Variants in KMT2E observed in about 807,000 individuals in gnomAD.
KMT2E encodes histone reader KMT2E.
Under a neutral mutation model 184.6 loss-of-function variants are expected in KMT2E, and 30 were observed. That is an observed-to-expected ratio of 0.16 (90% CI 0.12 to 0.22). KMT2E has a LOEUF of 0.22. KMT2E is among the 10% of genes least tolerant of loss of function. KMT2E has a pLI of 1.00. For missense variants in KMT2E, 2,023 were observed against 2,237.4 expected, an observed-to-expected ratio of 0.90 and a Z score of 1.93; for synonymous variants, 815 against 776.5, an observed-to-expected ratio of 1.05 and a Z score of -0.82.
chr7:105,100,119 C>T, intron 15 of KMT2E, among the ~76,000 whole-genome samples: 1 of 152,166 alleles, frequency 6.6e-6, no homozygotes, highest in East Asian at 1.9e-4. Context: ...GATACGTAAT[C>T]CATGAACAAA....
chr7:105,035,544 T>C (rs1405239268), intron 1 of KMT2E, among the ~76,000 whole-genome samples: 1 of 152,048 alleles, frequency 6.6e-6, no homozygotes, highest in Non-Finnish European at 1.5e-5. Context: ...ATTGATAGTT[T>C]GTTCCTTTAT....
intron 1 of KMT2E, among the ~76,000 whole-genome samples, chr7:105,020,985 A>T (rs1262127575): frequency 6.6e-6 from 1 of 152,232 alleles, no homozygotes. Context: ...TAATATATGT[A>T]ATCGTTTCTA....
intron 1 of KMT2E, among the ~76,000 whole-genome samples, chr7:105,029,869 C>T (rs1795330687): frequency 6.6e-6 from 1 of 152,030 alleles, no homozygotes; most frequent in African/African-American, 2.4e-5. Context: ...AGCCTGGGGG[C>T]AACTACATTA....
rs751993589 is a variant in KMT2E at position 105,112,417 on chromosome 7, C to T, written c.4661C>T (p.Ser1554Leu). Residue 1554 changes from serine to leucine, a missense_variant, in exon 27 of 27, where the codon TCG (serine) becomes TTG (leucine). Ser to Leu is a moderately radical substitution (Grantham distance 145). Around this residue, in one of 8 missense-constraint regions of KMT2E, gnomAD observed 1,108 missense variants for 1,050.9 expected, o/e 1.05. Coordinates refer to ENST00000311117, the MANE Select transcript of KMT2E (RefSeq NM_182931.3). ...PPPPPPPPPS[S>L]SYYQNQQPSA... is the part of the protein sequence containing the mutation. The stretch of plus-strand genomic sequence containing the variant: ...CCTCCACCTCCTCCACCTCCTTCTT[C>T]GTCTTACTATCAAAACCAGCAGCCC... 33 of 1,612,896 alleles carry T rather than the reference C, an allele frequency of 2.0e-5. No homozygotes were observed. Among genetic ancestry groups the T allele is most frequent in the Middle Eastern group, 1.6e-4 (1 of 6,082 alleles).
intron 3 of KMT2E, among the ~76,000 whole-genome samples, chr7:105,045,505 G>C (rs1425071469): frequency 6.6e-6 from 1 of 151,708 alleles, no homozygotes; most frequent in East Asian, 1.9e-4. Context: ...ATCTTTATTT[G>C]CCTATTCTAG....
chr7:105,049,030 T>A (rs1796219747), intron 3 of KMT2E, among the ~76,000 whole-genome samples: 1 of 152,128 alleles, frequency 6.6e-6, no homozygotes, highest in Admixed American at 6.5e-5. Flanking sequence ...GGAACAAATT[T>A]AGATTGTCCT....
chr7:105,077,209 G>C lies in KMT2E; in HGVS notation c.999+16G>C. On this transcript the variant is annotated intron_variant, in intron 10 of 26. Coordinates refer to ENST00000311117, the MANE Select transcript of KMT2E (RefSeq NM_182931.3). ...TCCTGTAGAGGTAAATACATCATTTGTCCAAAAATTGTAAAGCAGTTTTAT... is the reference window on the plus strand; with the variant it reads ...TCCTGTAGAGGTAAATACATCATTTCTCCAAAAATTGTAAAGCAGTTTTAT... 1 of 1,609,052 alleles carries C rather than the reference G, an allele frequency of 6.2e-7. No homozygotes were observed. Among genetic ancestry groups the C allele is most frequent in the Non-Finnish European group, 8.5e-7 (1 of 1,176,256 alleles).
At chr7:105,042,729 T>C (rs1795936027) in intron 3 of KMT2E, among the ~76,000 whole-genome samples, 1 of 152,250 alleles carries the variant, frequency 6.6e-6, no homozygotes, top group African/African-American at 2.4e-5. Context: ...ATTTGCTCTT[T>C]ATTTTTAAAT....
Position 105,112,917 on chromosome 7 carries a change from C to T in KMT2E, c.5161C>T (p.Pro1721Ser). Reference protein sequence around the residue: ...VNSAPPPPPPPPPSSVLASGH... With the variant: ...VNSAPPPPPPSPPSSVLASGH... ...TTCAGCACCCCCACCACCCCCTCCG[C>T]CGCCACCTTCCAGTGTTTTGGCTTC... is the stretch of plus-strand genomic sequence containing the variant. The change falls in exon 27 of 27, where the codon CCG becomes TCG. Residue 1721 changes from proline (P) to serine (S), a missense_variant. Pro to Ser is a moderately conservative substitution (Grantham distance 74, BLOSUM62 -1). Coordinates refer to ENST00000311117, the MANE Select transcript of KMT2E (RefSeq NM_182931.3). 1 of 1,613,772 alleles carries T rather than the reference C, an allele frequency of 6.2e-7. No individual in the cohort carries two copies. Among genetic ancestry groups the T allele is most frequent in the Non-Finnish European group, 8.5e-7 (1 of 1,179,974 alleles).
rs1240604091 is a variant in KMT2E at position 105,114,598 on chromosome 7, G to C, written c.*1265G>C. On this transcript the variant is annotated 3_prime_UTR_variant, in exon 27 of 27. Coordinates refer to ENST00000311117, the MANE Select transcript of KMT2E (RefSeq NM_182931.3). ...TCTTCTACCTCTGAGGATTCAGTAA[G>C]TACATCCAATAATAATGATACTGTT... 6.6e-6 allele frequency among the ~76,000 whole-genome samples: 1 copy of C among 152,130 alleles called. No homozygotes were observed. Among genetic ancestry groups the C allele is most frequent in the Non-Finnish European group, 1.5e-5 (1 of 68,028 alleles).
At chr7:105,030,210 T>A (rs1403382718) in intron 1 of KMT2E, among the ~76,000 whole-genome samples, 1 of 152,138 alleles carries the variant, frequency 6.6e-6, no homozygotes, top group Non-Finnish European at 1.5e-5. Context: ...TGGAGAAGTC[T>A]TTTGAGATAA....
At chr7:105,051,386 T>C (rs944218624) in intron 3 of KMT2E, among the ~76,000 whole-genome samples, 2 of 151,652 alleles carry the variant, frequency 1.3e-5, no homozygotes, top group Non-Finnish European at 2.9e-5. Flanking sequence ...GGTTTCTCCA[T>C]GTTGGTCAGG....
intron 8 of KMT2E, among the ~76,000 whole-genome samples, 158 bp from the exon 9 acceptor site, chr7:105,075,885 G>A (rs969124368): frequency 2.2e-4 from 34 of 152,070 alleles, no homozygotes; most frequent in African/African-American, 7.7e-4. Flanking sequence ...TATTTTAATA[G>A]ATGCCTTTAT....
At position 105,105,842 on chromosome 7, in the gene KMT2E, T is replaced by TATCCTGTTC. The variant is rs1388330686; in HGVS notation, c.2452-15_2452-14insCCTGTTCAT. ...ACAAAGTGATTCCTGTTCATTCATG[T>TATCCTGTTC]ATTCTGTTTTATTCAGCGATGGTTG... On this transcript the variant is annotated splice_polypyrimidine_tract_variant and intron_variant, in intron 18 of 26. Transcript: ENST00000311117. 1.9e-5 allele frequency: 31 copies of TATCCTGTTC among 1,602,698 alleles called. No homozygotes were observed. Among genetic ancestry groups the TATCCTGTTC allele is most frequent in the African/African-American group, 2.7e-5 (2 of 74,094 alleles).
chr7:105,040,531 A>G (rs1001782840), intron 2 of KMT2E, among the ~76,000 whole-genome samples: 1 of 152,194 alleles, frequency 6.6e-6, no homozygotes, highest in African/African-American at 2.4e-5. Flanking sequence ...AAGAAGACTT[A>G]TTTTTGCATA....
At chr7:105,048,580 CGT>C (rs1266486917) in intron 3 of KMT2E, among the ~76,000 whole-genome samples, 3 of 151,846 alleles carry the variant, frequency 2.0e-5, no homozygotes, top group African/African-American at 7.3e-5. Flanking sequence ...TAAAAAAATA[CGT>C]GTGTGTTATT....
chr7:105,080,326 A>C (rs1797712888), intron 12 of KMT2E, among the ~76,000 whole-genome samples: 3 of 151,716 alleles, frequency 2.0e-5, no homozygotes, highest in Non-Finnish European at 4.4e-5. Context: ...TGTTTTTTAC[A>C]TGTCAAAATG....
intron 1 of KMT2E, among the ~76,000 whole-genome samples, chr7:105,028,050 A>G (rs1367947199): frequency 6.7e-6 from 1 of 150,172 alleles, no homozygotes; most frequent in Non-Finnish European, 1.5e-5. Flanking sequence ...ATTTTTGTAT[A>G]TTCTAAGAGA....
intron 13 of KMT2E, chr7:105,089,444 CA>C: frequency 1.8e-5 from 4 of 217,870 alleles, no homozygotes; most frequent in Non-Finnish European, 3.8e-5. Flanking sequence ...CTTGGCCTCC[CA>C]AAGTTCTGGG....
Sources: gnomAD v4.1 joint callset for allele counts (sites outside exome capture counted in the v4.1 genomes callset) on GRCh38, gnomAD v4.1.1 for gene constraint, gnomAD v4.1.1 regional missense constraint, MANE v1.5 for transcripts, NCBI Gene and HGNC (gene_info 2026-07-23, HGNC 2026-07-21) for gene names.